The following PTPRN2 variants were observed in gnomAD, a reference collection of about 807,000 sequenced individuals.
The protein encoded by PTPRN2 is receptor-type tyrosine-protein phosphatase N2.
A neutral mutation model predicts 118.8 loss-of-function variants in PTPRN2; 74 were observed. The ratio of observed to expected loss-of-function variants is 0.62; its 90% CI spans 0.52 to 0.76. PTPRN2 has a LOEUF of 0.76. PTPRN2 is among the 30% of genes least tolerant of loss of function. The probability of loss-of-function intolerance (pLI) is 0.00; values close to 1 mark genes in which losing one functional copy is unlikely to be tolerated. For synonymous variants in PTPRN2, 641 were observed against 608.0 expected (o/e 1.05, Z -0.80); for missense variants, 1,481 against 1,394.4 (o/e 1.06, Z -0.99).
intron 3 of PTPRN2, among the ~76,000 whole-genome samples, chr7:158,251,908 C>T (rs529685507): frequency 6.6e-6 from 1 of 152,144 alleles, no homozygotes; most frequent in Admixed American, 6.5e-5. Context: ...TTGAAGCCTC[C>T]ATTCCATTGT....
chr7:157,574,513 T>TGA (rs60406378), intron 19 of PTPRN2: 84,366 of 282,546 alleles, frequency 0.3, 13,344 homozygotes, highest in Middle Eastern at 0.49. Flanking sequence ...AGAGTAATAA[T>TGA]GAGAGAGAGA....
chr7:158,338,128 C>G (rs1249486311), intron 2 of PTPRN2, among the ~76,000 whole-genome samples: 1 of 6,908 alleles, frequency 1.4e-4, no homozygotes, highest in East Asian at 3.6e-3. Flanking sequence ...CACCCACACT[C>G]TCACCATAGA....
chr7:158,096,180 T>C (rs904036092), intron 10 of PTPRN2, among the ~76,000 whole-genome samples: 1 of 152,196 alleles, frequency 6.6e-6, no homozygotes, highest in African/African-American at 2.4e-5. Flanking sequence ...CTAGAGTCTC[T>C]CCAACCCTGT....
chr7:157,650,067 G>A lies in PTPRN2; in HGVS notation c.2196+6290C>T, dbSNP rs115044275. ...AAAGGAGCTCCCCAGGCCCGCAGGAGTGAGGCTGGGAAGTCTCGGGGTCTC... is the reference window on the plus strand; with the variant it reads ...AAAGGAGCTCCCCAGGCCCGCAGGAATGAGGCTGGGAAGTCTCGGGGTCTC... On this transcript the variant is annotated intron_variant, in intron 14 of 22. Transcript: ENST00000389418. Among the ~76,000 whole-genome samples, 154 of 152,366 alleles carry A rather than the reference G, an allele frequency of 1.0e-3. 2 individuals carry two copies. Among genetic ancestry groups the A allele is most frequent in the African/African-American group, 3.5e-3 (145 of 41,584 alleles).
intron 16 of PTPRN2, among the ~76,000 whole-genome samples, chr7:157,597,485 T>TGTGTG (rs397760089): frequency 0.01 from 1,322 of 132,008 alleles, 19 homozygotes; most frequent in African/African-American, 0.036. Flanking sequence ...TGTGTGTGTG[T>TGTGTG]TTTTTTTTTT....
chr7:158,580,180 C>T (rs554573285), intron 1 of PTPRN2, among the ~76,000 whole-genome samples: 24 of 152,358 alleles, frequency 1.6e-4, no homozygotes, highest in Non-Finnish European at 2.6e-4. Context: ...TCTAGAAGAG[C>T]GGCTATTTCA....
At chr7:157,681,843 G>A (rs1796929416) in intron 13 of PTPRN2, among the ~76,000 whole-genome samples, 1 of 152,190 alleles carries the variant, frequency 6.6e-6, no homozygotes. Context: ...GTAATCATGT[G>A]ACTAGAGAAA....
At chr7:158,185,370 T>C (rs1825051741) in intron 5 of PTPRN2, among the ~76,000 whole-genome samples, 1 of 152,232 alleles carries the variant, frequency 6.6e-6, no homozygotes. Context: ...TAGCTTAGAC[T>C]GGTTAATGCT....
intron 11 of PTPRN2, among the ~76,000 whole-genome samples, chr7:158,032,099 G>A (rs991627623): frequency 6.6e-6 from 1 of 152,260 alleles, no homozygotes; most frequent in Non-Finnish European, 1.5e-5. Context: ...TCCAGCTGCT[G>A]TGTGGAGTCT....
At chr7:158,155,368 T>C (rs147037646) in intron 6 of PTPRN2, among the ~76,000 whole-genome samples, 1 of 152,282 alleles carries the variant, frequency 6.6e-6, no homozygotes, top group Non-Finnish European at 1.5e-5. Context: ...TAAGTGCCTT[T>C]ACAACCATGT....
chr7:157,764,975 C>T lies in PTPRN2; in HGVS notation c.1789-82038G>A, dbSNP rs573167182. Among the ~76,000 whole-genome samples the T allele has an allele frequency of 2.6e-5, 4 of 151,548 alleles. No homozygotes were observed. Among genetic ancestry groups the T allele is most frequent in the Admixed American group, 2.6e-4 (4 of 15,246 alleles). On this transcript the variant is annotated intron_variant, in intron 12 of 22. Transcript: ENST00000389418. The surrounding 1 kb of genome is among the most constrained non-coding windows in gnomAD (Gnocchi z 4.5). ...TCCATCCACCCACCCACCCATCCAT[C>T]TACCCATCCACTTTCATCCATCCAA...
chr7:158,170,980 CATATATATATACACATACAT>C (rs1303054104), intron 5 of PTPRN2, among the ~76,000 whole-genome samples: 16 of 146,844 alleles, frequency 1.1e-4, no homozygotes, highest in Admixed American at 3.4e-4. Flanking sequence ...TATATACATA[CATATATATATACACATACAT>C]ATATATATAC....
chr7:158,276,010 C>T (rs1340188398), intron 3 of PTPRN2, among the ~76,000 whole-genome samples: 1 of 152,184 alleles, frequency 6.6e-6, no homozygotes, highest in Non-Finnish European at 1.5e-5. Context: ...GCTATGGCTG[C>T]CCTCTGACTC....
rs1391231014 is a variant in PTPRN2 at position 157,596,341 on chromosome 7, T to C, written c.2419-1026A>G. Among the ~76,000 whole-genome samples the C allele has an allele frequency of 6.6e-6, 1 of 152,126 alleles. No homozygotes were observed. The highest frequency in any genetic ancestry group is 6.5e-5 in the Admixed American group (1 of 15,274). On this transcript the variant is annotated intron_variant, in intron 16 of 22. Coordinates refer to ENST00000389418, the MANE Select transcript of PTPRN2 (RefSeq NM_002847.5). This position sits in a 1 kb window ranked among gnomAD's most constrained non-coding sequence, Gnocchi z 4.2. ...TTGCTGGGAGTGGCCTCCTGTTCTG[T>C]TTCCCCACCAGGCAGGGACCAGAAA...
At chr7:158,521,301 A>G (rs529232818) in intron 1 of PTPRN2, among the ~76,000 whole-genome samples, 21 of 152,334 alleles carry the variant, frequency 1.4e-4, no homozygotes, top group African/African-American at 4.6e-4. Context: ...ACCAACGCAC[A>G]GGACTGTGTG....
rs1344009885 is a variant in PTPRN2 at position 157,944,605 on chromosome 7, GA to G, written c.1724-45869del. 6.6e-6 allele frequency among the ~76,000 whole-genome samples: 1 copy of G among 152,236 alleles called. No individual in the cohort carries two copies. The highest frequency in any genetic ancestry group is 1.5e-5 in the Non-Finnish European group (1 of 68,032). ...GAAGCATCCCTAGACATGTTGATTA[GA>G]AATAGTCTTAAGAGGGTCAAACTAT... On this transcript the variant is annotated intron_variant, in intron 11 of 22. Transcript: ENST00000389418. This position sits in a 1 kb window ranked among gnomAD's most constrained non-coding sequence, Gnocchi z 4.3.
intron 2 of PTPRN2, among the ~76,000 whole-genome samples, chr7:158,327,852 G>A (rs950446892): frequency 1.6e-4 from 24 of 152,156 alleles, no homozygotes; most frequent in Admixed American, 2.6e-4. Flanking sequence ...AGCTGGCAGC[G>A]TTGCCAGGGT....
At chr7:158,234,662 A>G (rs9692602) in intron 3 of PTPRN2, among the ~76,000 whole-genome samples, 1 of 152,236 alleles carries the variant, frequency 6.6e-6, no homozygotes, top group Non-Finnish European at 1.5e-5. Flanking sequence ...TGGTAAACAG[A>G]TATAGTCATC....
intron 3 of PTPRN2, among the ~76,000 whole-genome samples, chr7:158,312,066 GACAC>G (rs10537352): frequency 0.91 from 135,855 of 150,082 alleles, 61,769 homozygotes; most frequent in Non-Finnish European, 0.96. Flanking sequence ...CTCACATGTA[GACAC>G]ACACACGTGC....
Sources: allele counts gnomAD v4.1 joint callset (sites outside exome capture counted in the v4.1 genomes callset), GRCh38; gene constraint gnomAD v4.1.1; non-coding constraint Gnocchi (gnomAD v3.1); transcripts MANE v1.5; gene names NCBI Gene and HGNC (gene_info 2026-07-23, HGNC 2026-07-21).